The following SPATA16 variants were observed in gnomAD, a reference collection of about 807,000 sequenced individuals.
SPATA16 encodes the protein spermatogenesis associated 16, also known as spermatogenesis-associated protein 16.
SPATA16 carries 36 observed loss-of-function variants against 63.3 expected under a neutral mutation model. That is an observed-to-expected ratio of 0.57 (90% CI 0.44 to 0.75). SPATA16 has a LOEUF of 0.75. Ranked by LOEUF, SPATA16 falls within the 30% of genes least tolerant of loss-of-function variation. SPATA16 has a pLI of 0.00. For synonymous variants in SPATA16, 203 were observed against 216.7 expected, an observed-to-expected ratio of 0.94 and a Z score of 0.56; for missense variants, 646 against 679.3, an observed-to-expected ratio of 0.95 and a Z score of 0.54.
intron 4 of SPATA16, among the ~76,000 whole-genome samples, chr3:172,990,176 C>T (rs1734543191): frequency 6.6e-6 from 1 of 152,174 alleles, no homozygotes; most frequent in Non-Finnish European, 1.5e-5. Context: ...AGTGCAGGCA[C>T]ATGCCATGTG....
intron 9 of SPATA16, among the ~76,000 whole-genome samples, chr3:172,916,079 C>A (rs928446849): frequency 6.6e-6 from 1 of 152,136 alleles, no homozygotes; most frequent in African/African-American, 2.4e-5. Flanking sequence ...TATGTTTTTA[C>A]ACATCACAAC....
At chr3:172,935,191 A>T (rs1732954073) in intron 6 of SPATA16, among the ~76,000 whole-genome samples, 1 of 152,234 alleles carries the variant, frequency 6.6e-6, no homozygotes, top group Admixed American at 6.5e-5. Context: ...AAAGCTTGAC[A>T]TGGTGGTACG....
intron 3 of SPATA16, among the ~76,000 whole-genome samples, chr3:173,021,492 TG>T (rs1234231948): frequency 1.3e-5 from 2 of 152,210 alleles, no homozygotes; most frequent in African/African-American, 2.4e-5. Context: ...AATGATCACA[TG>T]GGTTCATTTA....
At chr3:173,016,587 C>G (rs989951645) in intron 4 of SPATA16, among the ~76,000 whole-genome samples, 1 of 152,106 alleles carries the variant, frequency 6.6e-6, no homozygotes, top group Non-Finnish European at 1.5e-5. Flanking sequence ...CCTCTCAATC[C>G]AAGAAACATG....
intron 10 of SPATA16, among the ~76,000 whole-genome samples, chr3:172,898,481 G>T (rs1428908207): frequency 1.3e-5 from 2 of 151,992 alleles, no homozygotes; most frequent in African/African-American, 4.8e-5. Context: ...ATTTATCAAA[G>T]TTGTCAAATT....
chr3:172,932,848 G>GA (rs1278398791), intron 6 of SPATA16, among the ~76,000 whole-genome samples: 4 of 151,692 alleles, frequency 2.6e-5, no homozygotes, highest in South Asian at 4.2e-4. Flanking sequence ...GACAGAAATA[G>GA]AAAAAAAATT....
At chr3:172,986,450 G>C (rs1734461034) in intron 4 of SPATA16, among the ~76,000 whole-genome samples, 1 of 152,138 alleles carries the variant, frequency 6.6e-6, no homozygotes, top group Non-Finnish European at 1.5e-5. Flanking sequence ...AAGTAAAGTG[G>C]ATAAATCAAT....
intron 8 of SPATA16, among the ~76,000 whole-genome samples, chr3:172,917,450 A>G (rs1732518711): frequency 6.6e-6 from 1 of 152,200 alleles, no homozygotes; most frequent in African/African-American, 2.4e-5. Context: ...GGTGCTCAGA[A>G]GAGAAGTGAC....
intron 4 of SPATA16, among the ~76,000 whole-genome samples, chr3:172,991,186 T>C (rs1412768302): frequency 6.6e-6 from 1 of 152,124 alleles, no homozygotes; most frequent in African/African-American, 2.4e-5. Flanking sequence ...TGATAAATTA[T>C]GTGAACGCCT....
chr3:173,113,705 T>A (rs1310214739), intron 2 of SPATA16, among the ~76,000 whole-genome samples: 4 of 152,318 alleles, frequency 2.6e-5, no homozygotes, highest in Admixed American at 1.3e-4. Context: ...AAACAAAACA[T>A]TCCTAATGGG....
chr3:173,067,217 A>G (rs1052809473), intron 2 of SPATA16, among the ~76,000 whole-genome samples: 2 of 152,196 alleles, frequency 1.3e-5, no homozygotes, highest in Non-Finnish European at 2.9e-5. Context: ...GCCCAATAAC[A>G]GTGGACTGAA....
intron 4 of SPATA16, among the ~76,000 whole-genome samples, chr3:172,978,049 A>G (rs1454156708): frequency 6.6e-6 from 1 of 152,062 alleles, no homozygotes; most frequent in East Asian, 1.9e-4. Context: ...ATTCTTCTTC[A>G]GGACAGACAA....
chr3:173,039,126 C>T (rs1194503352), intron 3 of SPATA16, among the ~76,000 whole-genome samples: 1 of 151,928 alleles, frequency 6.6e-6, no homozygotes, highest in Non-Finnish European at 1.5e-5. Context: ...CAGGACACAC[C>T]ACTTACATGT....
chr3:172,919,843 A>AT (rs768142065), intron 8 of SPATA16, among the ~76,000 whole-genome samples: 78 of 151,466 alleles, frequency 5.1e-4, no homozygotes, highest in Admixed American at 1.1e-3. Flanking sequence ...ACATCTGACT[A>AT]TTTTTTTGTG....
At chr3:173,129,855 G>A (rs1738323339) in intron 1 of SPATA16, among the ~76,000 whole-genome samples, 1 of 152,030 alleles carries the variant, frequency 6.6e-6, no homozygotes, top group Non-Finnish European at 1.5e-5. Flanking sequence ...CATACACCAA[G>A]CAAATAATGC....
chr3:173,115,997 A>T (rs1291123170), intron 2 of SPATA16, among the ~76,000 whole-genome samples: 1 of 151,568 alleles, frequency 6.6e-6, no homozygotes, highest in Non-Finnish European at 1.5e-5. Context: ...GGCTCAAGAG[A>T]TCCTTTCACC....
intron 2 of SPATA16, among the ~76,000 whole-genome samples, chr3:173,052,165 G>A (rs1295580740): frequency 6.6e-6 from 1 of 152,086 alleles, no homozygotes; most frequent in Non-Finnish European, 1.5e-5. Flanking sequence ...TTTCCATGAG[G>A]ACATTCAGGT....
chr3:172,924,098 C>A (rs1057429124), intron 8 of SPATA16, 110 bp downstream of exon 8: 45 of 879,468 alleles, frequency 5.1e-5, no homozygotes, highest in Non-Finnish European at 7.7e-5. Context: ...TTACTATGAA[C>A]GTTTCCAAAA....
At chr3:173,007,605 A>T (rs1404626537) in intron 4 of SPATA16, among the ~76,000 whole-genome samples, 1 of 152,188 alleles carries the variant, frequency 6.6e-6, no homozygotes, top group Non-Finnish European at 1.5e-5. Context: ...AAGGCTAAAG[A>T]TAAGAACATT....
Sources: allele counts gnomAD v4.1 joint callset (sites outside exome capture counted in the v4.1 genomes callset), GRCh38; gene constraint gnomAD v4.1.1; transcripts MANE v1.5; gene names NCBI Gene and HGNC (gene_info 2026-07-23, HGNC 2026-07-21).